GAN: variants seen among roughly 807,000 people sequenced by gnomAD.
GAN encodes the protein gigaxonin.
A neutral mutation model predicts 71.3 loss-of-function variants in GAN; 48 were observed. That is an observed-to-expected ratio of 0.67 (90% CI 0.53 to 0.86). GAN has a LOEUF of 0.86. Among genes scored for constraint, GAN ranks in the 40% least tolerant of loss-of-function variants. The pLI is 0.00. For missense variants in GAN, 928 were observed against 770.1 expected (o/e 1.21, Z -2.43); for synonymous variants, 386 against 276.8 (o/e 1.39, Z -3.92).
At chr16:81,350,973 T>C (rs1313064835) in intron 1 of GAN, among the ~76,000 whole-genome samples, 1 of 152,244 alleles carries the variant, frequency 6.6e-6, no homozygotes, top group Admixed American at 6.5e-5. Flanking sequence ...CAGTGTGATA[T>C]GCACACCTCT....
At chr16:81,329,754 A>G (rs774186933) in intron 1 of GAN, among the ~76,000 whole-genome samples, 8 of 151,912 alleles carry the variant, frequency 5.3e-5, no homozygotes, top group Non-Finnish European at 1.2e-4. Context: ...TCTCCTCCCC[A>G]TCTGTCCCTA....
intron 9 of GAN, among the ~76,000 whole-genome samples, chr16:81,375,339 C>CCT (rs560033188): frequency 1.8e-4 from 19 of 104,116 alleles, no homozygotes; most frequent in Non-Finnish European, 2.9e-4. Flanking sequence ...TTTAATTTAT[C>CCT]TTTTTTTTTT....
chr16:81,365,326 A>C (rs776058780), intron 8 of GAN, 24 bp from the exon 9 acceptor site: 3 of 1,613,898 alleles, frequency 1.9e-6, no homozygotes, highest in Non-Finnish European at 2.5e-6. Flanking sequence ...CTTGTGCCTG[A>C]TAACGCTGTG....
chr16:81,377,572 C>G lies in GAN; in HGVS notation c.1770C>G (p.Phe590Leu). The G allele has an allele frequency of 6.2e-7, 1 of 1,614,170 alleles. No homozygotes were observed. ...LFRLQLQQGL[F>L]RIRVHSP ...GCCTGCAGCTTCAGCAAGGCTTATT[C>G]CGTATTCGTGTTCATTCCCCTTGAG... The change falls in exon 11 of 11, where the codon TTC becomes TTG. Residue 590 changes from phenylalanine to leucine, a missense_variant. Phe to Leu is a conservative substitution (Grantham distance 22). Coordinates refer to ENST00000648994, the MANE Select transcript of GAN (RefSeq NM_022041.4).
At chr16:81,324,876 G>A (rs1251363882) in intron 1 of GAN, among the ~76,000 whole-genome samples, 23 of 152,334 alleles carry the variant, frequency 1.5e-4, no homozygotes, top group Admixed American at 1.4e-3. Context: ...TGGAACCAGC[G>A]GCCGTTTCAG....
In GAN at chr16:81,377,983, A is replaced by G. The variant is rs927258721; in HGVS notation, c.*387A>G. ...ATTCAAATACGTAGCTTTGGTAACA[A>G]ACAAAATCCGTATATGCAAATCAAC... On this transcript the variant is annotated 3_prime_UTR_variant, in exon 11 of 11. Coordinates refer to ENST00000648994, the MANE Select transcript of GAN (RefSeq NM_022041.4). The G allele has an allele frequency of 2.7e-4, 76 of 286,476 alleles. No individual in the cohort carries two copies. The highest frequency in any genetic ancestry group is 1.5e-3 in the African/African-American group (69 of 46,330). The allele number at this position is 286,476 out of a possible 1,614,324, so 17.7% of individuals were successfully genotyped here.
At position 81,386,636 on chromosome 16, in the gene GAN, G is replaced by C. The variant is rs905545702; in HGVS notation, c.*9040G>C. 7.9e-5 allele frequency: 12 copies of C among 152,350 alleles called. No homozygotes were observed. The highest frequency in any genetic ancestry group is 2.4e-4 in the African/African-American group (10 of 41,582). 9.4% of individuals were successfully genotyped at this position (152,350 alleles called of 1,614,324 possible). ...TAAGACATTTGATAAAGTCATTCTT[G>C]ATCTCTGAATGTGAAAAGGAAGTAG... On this transcript the variant is annotated 3_prime_UTR_variant, in exon 11 of 11. Transcript: ENST00000648994.
intron 1 of GAN, among the ~76,000 whole-genome samples, chr16:81,334,816 G>C (rs1221918502): frequency 6.6e-6 from 1 of 152,208 alleles, no homozygotes; most frequent in East Asian, 1.9e-4. Context: ...CATGAGAATA[G>C]TCACCAACAT....
intron 1 of GAN, among the ~76,000 whole-genome samples, chr16:81,350,549 T>C (rs1249241602): frequency 6.6e-6 from 1 of 150,698 alleles, no homozygotes; most frequent in African/African-American, 2.4e-5. Context: ...AGAGTCTCGC[T>C]CTGTCACCTA....
intron 1 of GAN, among the ~76,000 whole-genome samples, chr16:81,323,047 C>T (rs938852080): frequency 3.9e-5 from 6 of 152,234 alleles, no homozygotes; most frequent in Non-Finnish European, 7.3e-5. Flanking sequence ...CAGTCTACTT[C>T]AGTGATGGAG....
At chr16:81,373,772 C>T (rs1904274547) in intron 9 of GAN, among the ~76,000 whole-genome samples, 1 of 152,006 alleles carries the variant, frequency 6.6e-6, no homozygotes, top group African/African-American at 2.4e-5. Context: ...GAGACAGAGT[C>T]TTGCTCTGTC....
In GAN at chr16:81,365,402, G is replaced by A. The variant is rs1227010695; in HGVS notation, c.1426G>A (p.Val476Ile). 2 of 1,613,608 alleles carry A rather than the reference G, an allele frequency of 1.2e-6. No individual in the cohort carries two copies. Among genetic ancestry groups the A allele is most frequent in the Non-Finnish European group, 1.7e-6 (2 of 1,179,942 alleles). The change falls in exon 9 of 11, where the codon GTC (valine) becomes ATC (isoleucine). Residue 476 changes from valine to isoleucine, a missense_variant. By Grantham distance (29) the Val-to-Ile change is conservative (BLOSUM62 3). Transcript: ENST00000648994. ...TATGGAGCTGTATGTGTTTGGGGGA[G>A]TCCGAAGTCGTGAGGACGCCCAGGG... ...VAMELYVFGG[V>I]RSREDAQGSE...
chr16:81,348,745 A>T (rs1910203918), intron 1 of GAN, among the ~76,000 whole-genome samples: 1 of 152,260 alleles, frequency 6.6e-6, no homozygotes, highest in African/African-American at 2.4e-5. Flanking sequence ...CTTGTTGAAC[A>T]CAGGTTTTGC....
In GAN at chr16:81,379,325, G is replaced by C. The variant is rs1904294109; in HGVS notation, c.*1729G>C. On this transcript the variant is annotated 3_prime_UTR_variant, in exon 11 of 11. Coordinates refer to ENST00000648994, the MANE Select transcript of GAN (RefSeq NM_022041.4). ...AAGATGCTGTGCCTATGGGGTTCTA[G>C]AGAGTGTTGAGTGTGGTACATTAAC... The C allele has an allele frequency of 6.6e-6, 1 of 152,198 alleles. No homozygotes were observed. The highest frequency in any genetic ancestry group is 2.1e-4 in the South Asian group (1 of 4,834). 9.4% of individuals were successfully genotyped at this position (152,198 alleles called of 1,614,324 possible).
chr16:81,319,765 G>A (rs1321469047), intron 1 of GAN, among the ~76,000 whole-genome samples: 1 of 152,006 alleles, frequency 6.6e-6, no homozygotes, highest in Non-Finnish European at 1.5e-5. Context: ...TGAGACATAG[G>A]GCCTCAAATC....
chr16:81,362,040 C>T lies in GAN; in HGVS notation c.974-459C>T, dbSNP rs1339210058. On this transcript the variant is annotated intron_variant, in intron 5 of 10. Transcript: ENST00000648994. ...TTTGCAGAAGAATAACCTAATACGC[C>T]ATTACATGAAATCGGAAGTTCAGTT... Among the ~76,000 whole-genome samples the T allele has an allele frequency of 3.3e-5, 5 of 152,114 alleles. No individual in the cohort carries two copies. The South Asian group carries it at 8.3e-4, about 25-fold the overall frequency.
rs137934652 is a variant in GAN, at chr16:81,365,114, C to T, written c.1373+4C>T. ...TATGTCCACTAAAAGAGAGGAGGTA[C>T]GTGGCTGTGGGGTGGACTTTGTAGA... is the stretch of plus-strand genomic sequence containing the variant. On this transcript the variant is annotated splice_donor_region_variant and intron_variant, in intron 8 of 10. Coordinates refer to ENST00000648994, the MANE Select transcript of GAN (RefSeq NM_022041.4). 35 of 1,613,256 alleles carry T rather than the reference C, an allele frequency of 2.2e-5. No individual in the cohort carries two copies. The highest frequency in any genetic ancestry group is 8.8e-5 in the South Asian group (8 of 91,038).
chr16:81,315,510 G>C (rs1484913933), intron 1 of GAN, among the ~76,000 whole-genome samples: 2 of 151,930 alleles, frequency 1.3e-5, no homozygotes, highest in African/African-American at 4.8e-5. Context: ...CTGGACCCCC[G>C]CGCCCCTTGG....
intron 5 of GAN, among the ~76,000 whole-genome samples, chr16:81,359,700 A>G (rs1262051936): frequency 2.0e-5 from 3 of 152,180 alleles, no homozygotes; most frequent in Admixed American, 6.5e-5. Flanking sequence ...ATGCATTCCA[A>G]GACCCCCGAG....
Sources: gnomAD v4.1 joint callset for allele counts (sites outside exome capture counted in the v4.1 genomes callset) on GRCh38, gnomAD v4.1.1 for gene constraint, MANE v1.5 for transcripts, NCBI Gene and HGNC (gene_info 2026-07-23, HGNC 2026-07-21) for gene names.